Variants in C16orf87 observed in about 807,000 individuals in gnomAD.
The protein encoded by C16orf87 is HDAC and MIER1 interacting protein 1.
C16orf87 carries 13 observed loss-of-function variants against 21.0 expected under a neutral mutation model. The observed-to-expected ratio is 0.62, with a 90% CI of 0.40 to 0.98. The LOEUF (loss-of-function observed/expected upper bound fraction) is 0.98. C16orf87 is among the 50% of genes least tolerant of loss of function. C16orf87 has a pLI of 0.00. For synonymous variants in C16orf87, 49 were observed against 60.2 expected (o/e 0.81, Z 0.86); for missense variants, 113 against 180.4 (o/e 0.63, Z 2.14).
intron 2 of C16orf87, 28 bp from the exon 3 acceptor site, chr16:46,809,813 TTTAG>T: frequency 6.7e-7 from 1 of 1,492,434 alleles, no homozygotes. Flanking sequence ...AGTGATATAT[TTTAG>T]GGCTTAGCAA....
intron 2 of C16orf87, among the ~76,000 whole-genome samples, chr16:46,816,228 G>A (rs932823180): frequency 2.0e-5 from 3 of 152,130 alleles, no homozygotes; most frequent in Non-Finnish European, 4.4e-5. Context: ...CCTGGGGTAT[G>A]GGGGAGAAGG....
intron 3 of C16orf87, chr16:46,807,969 C>G (rs1038246268): frequency 2.9e-5 from 13 of 452,682 alleles, no homozygotes; most frequent in Non-Finnish European, 5.8e-5. Flanking sequence ...TCTCACCCAC[C>G]ACCAGAAGCA....
At chr16:46,814,295 G>T (rs978663554) in intron 2 of C16orf87, among the ~76,000 whole-genome samples, 2 of 152,192 alleles carry the variant, frequency 1.3e-5, no homozygotes, top group African/African-American at 4.8e-5. Flanking sequence ...AGTACAGTAA[G>T]GGAGAGCAGG....
intron 1 of C16orf87, 68 bp from the exon 2 acceptor site, chr16:46,824,550 T>C (rs1405227048): frequency 3.1e-6 from 2 of 641,700 alleles, no homozygotes; most frequent in Non-Finnish European, 5.3e-6. Flanking sequence ...AGTGTCTATG[T>C]GGTCTCCTCA....
intron 2 of C16orf87, among the ~76,000 whole-genome samples, chr16:46,815,944 T>C (rs991125268): frequency 6.6e-6 from 1 of 152,224 alleles, no homozygotes; most frequent in Non-Finnish European, 1.5e-5. Flanking sequence ...GATATTTGTA[T>C]ACCATGCAGC....
Position 46,830,733 on chromosome 16 carries a change from C to A in C16orf87, c.66+351G>T, listed in dbSNP as rs375181102. On this transcript the variant is annotated intron_variant, in intron 1 of 3. Coordinates refer to ENST00000285697, the MANE Select transcript of C16orf87 (RefSeq NM_001001436.4). ...GGCGTGCGGCACACTCTCGCCGGGG[C>A]TGCGGCCCGCAGGCTCCCACCGCTG... The A allele has an allele frequency of 2.9e-5, 6 of 209,752 alleles. No individual in the cohort carries two copies. In the East Asian group the frequency reaches 5.1e-4, roughly 18 times the overall value. The allele number at this position is 209,752 out of a possible 1,614,324, so 13.0% of individuals were successfully genotyped here.
chr16:46,803,415 T>C (rs1379094625), intron 3 of C16orf87, among the ~76,000 whole-genome samples: 1 of 152,204 alleles, frequency 6.6e-6, no homozygotes, highest in Non-Finnish European at 1.5e-5. Context: ...CTTCTGAACA[T>C]CAATGGTGAC....
At chr16:46,827,451 T>G (rs1222229386) in intron 1 of C16orf87, among the ~76,000 whole-genome samples, 1 of 152,224 alleles carries the variant, frequency 6.6e-6, no homozygotes, top group South Asian at 2.1e-4. Context: ...TATTACACTT[T>G]CAGGATTTTA....
chr16:46,803,930 C>A (rs1056117452), intron 3 of C16orf87, among the ~76,000 whole-genome samples: 1 of 152,128 alleles, frequency 6.6e-6, no homozygotes. Context: ...CACTGTTTTG[C>A]ATCTCTTGCC....
intron 3 of C16orf87, 150 bp from the exon 4 acceptor site, chr16:46,803,220 GTT>G: frequency 4.7e-6 from 2 of 424,394 alleles, no homozygotes; most frequent in Non-Finnish European, 8.3e-6. Flanking sequence ...GAACTAAAAA[GTT>G]TTTTAAATTA....
intron 2 of C16orf87, among the ~76,000 whole-genome samples, chr16:46,824,120 C>G (rs1004584678): frequency 6.6e-6 from 1 of 152,106 alleles, no homozygotes; most frequent in African/African-American, 2.4e-5. Context: ...TCAGGTCACT[C>G]CCTTGCTAAA....
chr16:46,806,418 C>G (rs1292474319), intron 3 of C16orf87, among the ~76,000 whole-genome samples: 1 of 151,942 alleles, frequency 6.6e-6, no homozygotes, highest in African/African-American at 2.4e-5. Context: ...CCACCACGCC[C>G]GGCTAATTTT....
rs142934288 is a variant in C16orf87 at position 46,825,563 on chromosome 16, T to C, written c.67-1081A>G. Among the ~76,000 whole-genome samples, 846 of 152,322 alleles carry C rather than the reference T, an allele frequency of 5.6e-3. 7 individuals are homozygous for C. The highest frequency in any genetic ancestry group is 0.019 in the African/African-American group (809 of 41,578). ...TCAACCCCTCAAGCATTCTTCCTTT[T>C]TGTTACAAACAATCTATACTCTTTT... On this transcript the variant is annotated intron_variant, in intron 1 of 3. Transcript: ENST00000285697.
In C16orf87 at chr16:46,797,954, A is replaced by G. The variant is rs1235685685; in HGVS notation, c.*4998T>C. The G allele has an allele frequency of 1.3e-5, 2 of 152,184 alleles. No homozygotes were observed. Among genetic ancestry groups the G allele is most frequent in the Non-Finnish European group, 2.9e-5 (2 of 68,024 alleles). The allele number at this position is 152,184 out of a possible 1,614,324, so 9.4% of individuals were successfully genotyped here. On this transcript the variant is annotated 3_prime_UTR_variant, in exon 4 of 4. Transcript: ENST00000285697. ...ATTCTAAATTGAACACAAAATTACA[A>G]CACAATAAAATTTGTGAGATAAAGC...
In C16orf87 at chr16:46,828,488, T is replaced by C. The variant is rs117423456; in HGVS notation, c.66+2596A>G. 1.5e-3 allele frequency among the ~76,000 whole-genome samples: 233 copies of C among 152,238 alleles called. 1 individual carries two copies. In the East Asian group the frequency reaches 0.035, roughly 23 times the overall value. On this transcript the variant is annotated intron_variant, in intron 1 of 3. Coordinates refer to ENST00000285697, the MANE Select transcript of C16orf87 (RefSeq NM_001001436.4). Reference sequence around the variant, plus strand: ...AAAATGGCTCAGTAATTTTGAGTGATTGATGGATATGAAACCCCTTGAAAA... The same window carrying C: ...AAAATGGCTCAGTAATTTTGAGTGACTGATGGATATGAAACCCCTTGAAAA...
At chr16:46,810,405 G>A (rs2143080124) in intron 2 of C16orf87, among the ~76,000 whole-genome samples, 2 of 152,170 alleles carry the variant, frequency 1.3e-5, no homozygotes, top group African/African-American at 4.8e-5. Context: ...TTTAATTAGT[G>A]CAAGAAGCCA....
intron 2 of C16orf87, among the ~76,000 whole-genome samples, chr16:46,821,843 A>G (rs921594902): frequency 9.9e-5 from 15 of 151,912 alleles, no homozygotes; most frequent in Admixed American, 1.3e-4. Context: ...GCTGCAGACT[A>G]TATGTCCAAC....
Position 46,801,359 on chromosome 16 carries a change from A to AC in C16orf87, c.*1592dup, listed in dbSNP as rs1392729430. ...TGAGACCCCATCTGTACTAAAAAAT[A>AC]CAAAAAAAAAAACAGCCAGGCGTGG... On this transcript the variant is annotated 3_prime_UTR_variant, in exon 4 of 4. Coordinates refer to ENST00000285697, the MANE Select transcript of C16orf87 (RefSeq NM_001001436.4). 1.9e-5 allele frequency: 1 copy of AC among 53,990 alleles called. No homozygotes were observed. The highest frequency in any genetic ancestry group is 5.3e-5 in the Non-Finnish European group (1 of 18,696). 3.3% of individuals were successfully genotyped at this position (53,990 alleles called of 1,614,324 possible).
intron 2 of C16orf87, among the ~76,000 whole-genome samples, chr16:46,815,966 T>C (rs569843211): frequency 6.6e-6 from 1 of 152,198 alleles, no homozygotes; most frequent in East Asian, 1.9e-4. Context: ...TTATTCACAA[T>C]AGCAAAAAGG....
Sources: allele counts gnomAD v4.1 joint callset (sites outside exome capture counted in the v4.1 genomes callset), GRCh38; gene constraint gnomAD v4.1.1; transcripts MANE v1.5; gene names NCBI Gene and HGNC (gene_info 2026-07-23, HGNC 2026-07-21).